The following SOCS7 variants were observed in gnomAD, a reference collection of about 807,000 sequenced individuals.
SOCS7 encodes suppressor of cytokine signaling 7.
A neutral mutation model predicts 58.9 loss-of-function variants in SOCS7; 18 were observed. The observed-to-expected ratio is 0.31, with a 90% CI of 0.21 to 0.45. SOCS7 has a LOEUF of 0.45. Ranked by LOEUF, SOCS7 falls within the 20% of genes least tolerant of loss-of-function variation. The pLI, the probability that SOCS7 is intolerant of heterozygous loss-of-function variation, is 1.00. For synonymous variants in SOCS7, 388 were observed against 364.3 expected, an observed-to-expected ratio of 1.06 and a Z score of -0.74; for missense variants, 667 against 837.3, an observed-to-expected ratio of 0.80 and a Z score of 2.51.
intron 7 of SOCS7, among the ~76,000 whole-genome samples, chr17:38,389,863 G>GTATATATA (rs1261982144): frequency 9.0e-5 from 2 of 22,334 alleles, no homozygotes; most frequent in African/African-American, 3.2e-4. Flanking sequence ...GTGTGTATGT[G>GTATATATA]TGTACATATA....
At chr17:38,371,754 GTTTTTTTTT>G (rs770296566) in intron 6 of SOCS7, among the ~76,000 whole-genome samples, 1 of 72,196 alleles carries the variant, frequency 1.4e-5, no homozygotes, top group East Asian at 4.2e-4. Context: ...GCCCTTTTGT[GTTTTTTTTT>G]TTTTTTTTTT....
chr17:38,364,111 C>T (rs587614102), intron 2 of SOCS7, among the ~76,000 whole-genome samples: 1 of 152,310 alleles, frequency 6.6e-6, no homozygotes, highest in Non-Finnish European at 1.5e-5. Flanking sequence ...GATTACCTGA[C>T]TTTTGTCTGA....
chr17:38,384,835 C>T lies in SOCS7; in HGVS notation c.1681+6993C>T, dbSNP rs185144822. The stretch of plus-strand genomic sequence containing the variant: ...CTTGAACTCCTGACTTTGTGATCCA[C>T]CCGCCTCAGCCTCCCAAAGTGCTGG... On this transcript the variant is annotated intron_variant, in intron 7 of 9. Transcript: ENST00000612932. 5.8e-3 allele frequency among the ~76,000 whole-genome samples: 874 copies of T among 151,990 alleles called. 3 individuals are homozygous for T. The highest frequency in any genetic ancestry group is 6.4e-3 in the Non-Finnish European group (437 of 67,966).
At chr17:38,392,156 C>T (rs1302704068) in intron 7 of SOCS7, among the ~76,000 whole-genome samples, 2 of 152,058 alleles carry the variant, frequency 1.3e-5, no homozygotes, top group South Asian at 2.1e-4. Context: ...TGTTTGTTGG[C>T]GTTTGTGGGC....
Position 38,352,260 on chromosome 17 carries a change from G to T in SOCS7, c.208G>T (p.Val70Leu). 1 of 1,472,966 alleles carries T rather than the reference G, an allele frequency of 6.8e-7. No individual in the cohort carries two copies. The allele number at this position is 1,472,966 out of a possible 1,614,324, so 91.2% of individuals were successfully genotyped here. A position where few individuals can be genotyped will look rare whatever the true frequency, so the allele number is the denominator to read the frequency against. The change falls in exon 1 of 10, where the codon GTG becomes TTG. Residue 70 changes from valine to leucine, a missense_variant. Coordinates refer to ENST00000612932, the MANE Select transcript of SOCS7 (RefSeq NM_014598.4). The surrounding 1 kb of genome is among the most constrained non-coding windows in gnomAD (Gnocchi z 5.5). ...GCCGCAGCTGATGGTGTTCCGCAAC[G>T]TGGGTCGGCCGCCGGAGGAGGAGGA... ...RPPQLMVFRN[V>L]GRPPEEEDVE...
chr17:38,364,618 G>A (rs780127998), intron 2 of SOCS7, 134 bp from the exon 3 acceptor site: 3 of 682,532 alleles, frequency 4.4e-6, no homozygotes, highest in East Asian at 2.6e-5. Context: ...TTCAGCCCTG[G>A]GGGCATTAGG....
intron 4 of SOCS7, 165 bp from the exon 5 acceptor site, chr17:38,366,120 GTT>G: frequency 1.6e-6 from 2 of 1,267,330 alleles, no homozygotes; most frequent in South Asian, 3.2e-5. Flanking sequence ...ACAGCTTTTT[GTT>G]CCAGCCCATC....
chr17:38,387,012 G>T (rs1314516496), intron 7 of SOCS7, among the ~76,000 whole-genome samples: 1 of 145,968 alleles, frequency 6.9e-6, no homozygotes, highest in East Asian at 2.0e-4. Flanking sequence ...TGTGAATCGG[G>T]AGGCAGAGCT....
At chr17:38,369,957 T>A (rs1477655321) in intron 6 of SOCS7, among the ~76,000 whole-genome samples, 3 of 151,802 alleles carry the variant, frequency 2.0e-5, no homozygotes, top group Non-Finnish European at 1.5e-5. Context: ...GCCCAGCTAA[T>A]TTTTTTTGTA....
chr17:38,389,887 A>ATATG lies in SOCS7; in HGVS notation c.1682-5419_1682-5418insGTAT. Among the ~76,000 whole-genome samples, 2 of 88,182 alleles carry ATATG rather than the reference A, an allele frequency of 2.3e-5. 1 individual carries two copies. Among genetic ancestry groups the ATATG allele is most frequent in the African/African-American group, 1.4e-4 (2 of 14,048 alleles). The allele number at this position is 88,182 out of a possible 152,430, so 57.9% of individuals were successfully genotyped here. A position where few individuals can be genotyped will look rare whatever the true frequency, so the allele number is the denominator to read the frequency against. On this transcript the variant is annotated intron_variant, in intron 7 of 9. Transcript: ENST00000612932. ...TGTGTACATATATATATATATGTAC[A>ATATG]TATATATATATACACATATAGAGAG...
At chr17:38,390,761 T>C (rs1418344182) in intron 7 of SOCS7, among the ~76,000 whole-genome samples, 1 of 149,616 alleles carries the variant, frequency 6.7e-6, no homozygotes, top group East Asian at 2.0e-4. Flanking sequence ...CAGTGGTGCC[T>C]GGCTCACTAA....
intron 7 of SOCS7, among the ~76,000 whole-genome samples, chr17:38,381,427 C>T (rs969562374): frequency 6.6e-6 from 1 of 152,110 alleles, no homozygotes; most frequent in African/African-American, 2.4e-5. Context: ...TTAACTTGAT[C>T]GATTCAGAAA....
chr17:38,379,345 G>A (rs937026090), intron 7 of SOCS7, among the ~76,000 whole-genome samples: 4 of 151,958 alleles, frequency 2.6e-5, no homozygotes, highest in African/African-American at 7.2e-5. Flanking sequence ...AGGTGTGGTG[G>A]CAGGTGCCTT....
At chr17:38,381,274 C>T (rs1006273958) in intron 7 of SOCS7, among the ~76,000 whole-genome samples, 2 of 152,152 alleles carry the variant, frequency 1.3e-5, no homozygotes, top group Admixed American at 6.6e-5. Flanking sequence ...GAAGACAAAG[C>T]CTTTACCACT....
At chr17:38,387,153 G>GTATGT (rs2038086241) in intron 7 of SOCS7, among the ~76,000 whole-genome samples, 1 of 92,284 alleles carries the variant, frequency 1.1e-5, no homozygotes, top group African/African-American at 5.0e-5. Flanking sequence ...ATATATATAT[G>GTATGT]ATTAATTCAG....
intron 8 of SOCS7, 75 bp downstream of exon 8, chr17:38,395,519 T>A (rs1302904975): frequency 1.4e-6 from 2 of 1,435,404 alleles, no homozygotes; most frequent in Non-Finnish European, 1.9e-6. Context: ...CAGTGAGGCC[T>A]GCAAGCTACC....
chr17:38,352,196 A>C lies in SOCS7; in HGVS notation c.144A>C (p.Pro48=), dbSNP rs2144298679. The change falls in exon 1 of 10, where the codon CCA becomes CCC. Residue 48 remains proline, a synonymous_variant. Coordinates refer to ENST00000612932, the MANE Select transcript of SOCS7 (RefSeq NM_014598.4). This position sits in a 1 kb window ranked among gnomAD's most constrained non-coding sequence, Gnocchi z 5.5. The part of the protein sequence containing the change: ...PPPPGHGPPP[P]PFLARPGPRG... Reference sequence around the variant, plus strand: ...CCCCGGGCCATGGCCCCCCGCCGCCACCCTTCCTCGCGCGGCCCGGCCCGC... The same window carrying C: ...CCCCGGGCCATGGCCCCCCGCCGCCCCCCTTCCTCGCGCGGCCCGGCCCGC... 2 of 1,297,902 alleles carry C rather than the reference A, an allele frequency of 1.5e-6. No individual in the cohort carries two copies. Among genetic ancestry groups the C allele is most frequent in the East Asian group, 3.3e-5 (1 of 30,626 alleles). 80.4% of individuals were successfully genotyped at this position (1,297,902 alleles called of 1,614,324 possible).
chr17:38,391,889 G>T (rs1375966267), intron 7 of SOCS7, among the ~76,000 whole-genome samples: 1 of 152,208 alleles, frequency 6.6e-6, no homozygotes, highest in Non-Finnish European at 1.5e-5. Flanking sequence ...GTGGCAGAAA[G>T]ACATGGGTAT....
At chr17:38,383,856 T>C in intron 7 of SOCS7, among the ~76,000 whole-genome samples, 1 of 152,194 alleles carries the variant, frequency 6.6e-6, no homozygotes, top group South Asian at 2.1e-4. Context: ...CTCTATATTA[T>C]TTTGTATATT....
Sources: allele counts gnomAD v4.1 joint callset (sites outside exome capture counted in the v4.1 genomes callset), GRCh38; gene constraint gnomAD v4.1.1; non-coding constraint Gnocchi (gnomAD v3.1); transcripts MANE v1.5; gene names NCBI Gene and HGNC (gene_info 2026-07-23, HGNC 2026-07-21).